CDK14: variants seen among roughly 807,000 people sequenced by gnomAD.
CDK14 encodes the protein cyclin-dependent kinase 14.
In CDK14, 34 loss-of-function variants were observed where a neutral mutation model predicts 60.7. The ratio of observed to expected loss-of-function variants is 0.56; its 90% CI spans 0.43 to 0.75. The LOEUF is 0.75. Among genes scored for constraint, CDK14 ranks in the 30% least tolerant of loss-of-function variants. The pLI is 0.00. For missense variants in CDK14, 482 were observed against 564.1 expected (o/e 0.85, Z 1.47); for synonymous variants, 197 against 203.7 (o/e 0.97, Z 0.28).
chr7:90,598,915 G>A (rs1031802750), intron 1 of CDK14, among the ~76,000 whole-genome samples: 3 of 151,150 alleles, frequency 2.0e-5, no homozygotes, highest in Admixed American at 6.6e-5. Flanking sequence ...CGTTTTAGCC[G>A]GGATGGTCTC....
At chr7:90,642,273 A>G (rs772714377) in intron 2 of CDK14, among the ~76,000 whole-genome samples, 16 of 152,252 alleles carry the variant, frequency 1.1e-4, no homozygotes, top group Non-Finnish European at 1.8e-4. Flanking sequence ...TCAAATACAC[A>G]TGTGATGAAC....
intron 5 of CDK14, among the ~76,000 whole-genome samples, chr7:90,860,927 C>G (rs1790988120): frequency 6.6e-6 from 1 of 152,138 alleles, no homozygotes; most frequent in South Asian, 2.1e-4. Flanking sequence ...CTTGAAATTG[C>G]TAGCATTAGC....
chr7:90,892,804 G>A (rs992047028), intron 6 of CDK14, among the ~76,000 whole-genome samples: 1 of 151,974 alleles, frequency 6.6e-6, no homozygotes, highest in Non-Finnish European at 1.5e-5. Flanking sequence ...TTTTTGTTTT[G>A]TTCTCGCTCT....
intron 10 of CDK14, among the ~76,000 whole-genome samples, chr7:91,002,188 T>G (rs1795856131): frequency 6.6e-6 from 1 of 152,200 alleles, no homozygotes; most frequent in African/African-American, 2.4e-5. Context: ...AAATTTCCCC[T>G]GTGTAGTATC....
chr7:90,912,126 C>G (rs1792922552), intron 7 of CDK14, among the ~76,000 whole-genome samples: 1 of 152,202 alleles, frequency 6.6e-6, no homozygotes, highest in Non-Finnish European at 1.5e-5. Context: ...GGATGAATCT[C>G]CTTTTATAAA....
intron 14 of CDK14, among the ~76,000 whole-genome samples, chr7:91,171,348 T>A (rs551424895): frequency 6.6e-6 from 1 of 151,942 alleles, no homozygotes; most frequent in East Asian, 2.0e-4. Flanking sequence ...ACACTGCATC[T>A]AAAAAAAATT....
At chr7:90,641,523 A>G (rs1003518744) in intron 2 of CDK14, among the ~76,000 whole-genome samples, 1 of 152,216 alleles carries the variant, frequency 6.6e-6, no homozygotes, top group Non-Finnish European at 1.5e-5. Flanking sequence ...GCTAGTCACA[A>G]AGGACCACAT....
intron 14 of CDK14, among the ~76,000 whole-genome samples, chr7:91,138,300 C>T (rs944589498): frequency 2.0e-5 from 3 of 151,954 alleles, no homozygotes; most frequent in African/African-American, 7.2e-5. Flanking sequence ...TTTGTGATTT[C>T]GTGTGGAAGT....
chr7:90,677,481 TAGAG>T (rs946841079), intron 2 of CDK14, among the ~76,000 whole-genome samples: 9 of 152,178 alleles, frequency 5.9e-5, no homozygotes, highest in African/African-American at 2.2e-4. Flanking sequence ...TTTAAGAAAA[TAGAG>T]AGATGTTTGT....
At chr7:91,027,063 G>A (rs1482545620) in intron 10 of CDK14, among the ~76,000 whole-genome samples, 3 of 152,150 alleles carry the variant, frequency 2.0e-5, no homozygotes, top group Admixed American at 6.5e-5. Flanking sequence ...ATTAAAGGGT[G>A]GGGAAGAATT....
At chr7:90,727,934 T>A (rs1417400959) in intron 3 of CDK14, among the ~76,000 whole-genome samples, 1 of 152,184 alleles carries the variant, frequency 6.6e-6, no homozygotes, top group African/African-American at 2.4e-5. Flanking sequence ...TTCATTGTTT[T>A]AAAGTACATC....
chr7:91,048,296 A>G (rs1473405310), intron 11 of CDK14, among the ~76,000 whole-genome samples: 1 of 152,032 alleles, frequency 6.6e-6, no homozygotes, highest in Non-Finnish European at 1.5e-5. Flanking sequence ...TTTCTCATTA[A>G]TGCATCTCAT....
At chr7:90,709,912 A>G (rs991797427) in intron 2 of CDK14, 35 of 1,213,296 alleles carry the variant, frequency 2.9e-5, no homozygotes, top group African/African-American at 8.0e-5. Flanking sequence ...GAGACATGTT[A>G]AAGAGTTCCA....
intron 8 of CDK14, among the ~76,000 whole-genome samples, chr7:90,944,719 A>G (rs887258083): frequency 6.6e-6 from 1 of 152,206 alleles, no homozygotes. Flanking sequence ...GTGACAGAGT[A>G]AGATCCTTTC....
At chr7:91,180,328 A>G (rs978060590) in intron 14 of CDK14, among the ~76,000 whole-genome samples, 6 of 152,204 alleles carry the variant, frequency 3.9e-5, no homozygotes, top group South Asian at 4.1e-4. Flanking sequence ...TAATAATACA[A>G]TTTGTGCTGG....
At chr7:90,808,439 C>T (rs1788949887) in intron 5 of CDK14, among the ~76,000 whole-genome samples, 1 of 152,272 alleles carries the variant, frequency 6.6e-6, no homozygotes, top group African/African-American at 2.4e-5. Context: ...CACCACCAGG[C>T]CTGCCATACA....
intron 5 of CDK14, among the ~76,000 whole-genome samples, chr7:90,790,884 T>C (rs1805805136): frequency 6.6e-6 from 1 of 152,234 alleles, no homozygotes; most frequent in South Asian, 2.1e-4. Flanking sequence ...TGCTGTGCAT[T>C]AATGGTGAAG....
intron 10 of CDK14, among the ~76,000 whole-genome samples, chr7:90,996,287 T>C (rs1033376906): frequency 6.6e-6 from 1 of 152,210 alleles, no homozygotes; most frequent in African/African-American, 2.4e-5. Flanking sequence ...CCTTTTCTTA[T>C]GCTTCAGAAG....
intron 10 of CDK14, among the ~76,000 whole-genome samples, chr7:91,015,674 C>A (rs1364999556): frequency 6.6e-6 from 1 of 151,396 alleles, no homozygotes; most frequent in Non-Finnish European, 1.5e-5. Flanking sequence ...ACTACAGGCA[C>A]CCGCCACCAT....
Sources: gnomAD v4.1 joint callset for allele counts (sites outside exome capture counted in the v4.1 genomes callset) on GRCh38, gnomAD v4.1.1 for gene constraint, MANE v1.5 for transcripts, NCBI Gene and HGNC (gene_info 2026-07-23, HGNC 2026-07-21) for gene names.